PPP3CA: variants seen among roughly 807,000 people sequenced by gnomAD.
PPP3CA encodes protein phosphatase 3 catalytic subunit alpha.
Under a neutral mutation model 66.5 loss-of-function variants are expected in PPP3CA, and 14 were observed. The ratio of observed to expected loss-of-function variants is 0.21; its 90% CI spans 0.14 to 0.33. The LOEUF (loss-of-function observed/expected upper bound fraction) is 0.33. PPP3CA is among the 10% of genes least tolerant of loss of function. The pLI, the probability that PPP3CA is intolerant of heterozygous loss-of-function variation, is 1.00. For synonymous variants in PPP3CA, 232 were observed against 226.2 expected, an observed-to-expected ratio of 1.03 and a Z score of -0.23; for missense variants, 317 against 639.5, an observed-to-expected ratio of 0.50 and a Z score of 5.44.
chr4:101,241,670 T>C (rs1480808129), intron 1 of PPP3CA, among the ~76,000 whole-genome samples: 1 of 152,142 alleles, frequency 6.6e-6, no homozygotes, highest in South Asian at 2.1e-4. Context: ...TAGAATGTAT[T>C]ATTAGAATCT....
At chr4:101,099,512 G>C (rs1730348605) in intron 4 of PPP3CA, 99 bp downstream of exon 4, 5 of 576,220 alleles carry the variant, frequency 8.7e-6, no homozygotes, top group Non-Finnish European at 1.4e-5. Context: ...TTAAGTCTTT[G>C]ACTTTAGGCA....
rs1730034410 is a variant in PPP3CA at position 101,347,073 on chromosome 4, T to C, written c.-277A>G. The C allele has an allele frequency of 1.8e-6, 1 of 554,318 alleles. No homozygotes were observed. The allele number at this position is 554,318 out of a possible 1,614,324, so 34.3% of individuals were successfully genotyped here. On this transcript the variant is annotated 5_prime_UTR_variant, in exon 1 of 14. Coordinates refer to ENST00000394854, the MANE Select transcript of PPP3CA (RefSeq NM_000944.5). The stretch of plus-strand genomic sequence containing the variant: ...GTGTGTGGTGGTTATTTATTTATTT[T>C]CTGAGCACGCCTCCCGGTTCTTCTT...
At chr4:101,216,562 A>T (rs1725463187) in intron 1 of PPP3CA, among the ~76,000 whole-genome samples, 1 of 151,988 alleles carries the variant, frequency 6.6e-6, no homozygotes, top group Non-Finnish European at 1.5e-5. Context: ...TTCTTAAGAC[A>T]GGGTGTCGCT....
chr4:101,157,689 T>A (rs1404634521), intron 2 of PPP3CA, among the ~76,000 whole-genome samples: 2 of 152,190 alleles, frequency 1.3e-5, no homozygotes, highest in African/African-American at 4.8e-5. Context: ...ATTTTGATGT[T>A]CTTTGAAACC....
At chr4:101,062,233 T>C (rs762431757) in intron 9 of PPP3CA, among the ~76,000 whole-genome samples, 5 of 152,014 alleles carry the variant, frequency 3.3e-5, no homozygotes, top group Non-Finnish European at 5.9e-5. Context: ...TGCAAGAAAG[T>C]TGCAATATGG....
In PPP3CA at chr4:101,029,353, AAAAAAAAAAAAAAAAAAAAG is replaced by A. The variant is rs202128482; in HGVS notation, c.1340-178_1340-159del. 0.16 allele frequency among the ~76,000 whole-genome samples: 24,012 copies of A among 146,676 alleles called. 2,151 individuals carry two copies. The highest frequency in any genetic ancestry group is 0.24 in the South Asian group (1,118 of 4,752). On this transcript the variant is annotated intron_variant, in intron 12 of 13. Transcript: ENST00000394854. ...GACAACAAAACAGAAATGCTAAAAA[AAAAAAAAAAAAAAAAAAAAG>A]AAAAAAAATGCCACAGAAATTATAA...
intron 1 of PPP3CA, among the ~76,000 whole-genome samples, chr4:101,244,651 C>G (rs915859832): frequency 6.6e-6 from 1 of 152,184 alleles, no homozygotes; most frequent in Non-Finnish European, 1.5e-5. Flanking sequence ...CACATGAAAA[C>G]ACAACATACA....
intron 2 of PPP3CA, among the ~76,000 whole-genome samples, chr4:101,182,650 A>G (rs376608317): frequency 6.6e-6 from 1 of 152,160 alleles, no homozygotes; most frequent in Non-Finnish European, 1.5e-5. Context: ...ATGGTAGGAT[A>G]CATAGGTAAC....
intron 1 of PPP3CA, among the ~76,000 whole-genome samples, chr4:101,328,101 T>C (rs935826520): frequency 2.6e-5 from 4 of 152,086 alleles, no homozygotes; most frequent in Non-Finnish European, 4.4e-5. Context: ...CCGTGTGAAA[T>C]TGGAGCTCCC....
chr4:101,304,522 TTATG>T (rs1728476673), intron 1 of PPP3CA, among the ~76,000 whole-genome samples: 1 of 152,200 alleles, frequency 6.6e-6, no homozygotes, highest in African/African-American at 2.4e-5. Context: ...GAAAAAGGTT[TTATG>T]TATGTTTTTA....
chr4:101,189,912 G>T (rs1231505732), intron 2 of PPP3CA, among the ~76,000 whole-genome samples: 3 of 151,980 alleles, frequency 2.0e-5, no homozygotes, highest in South Asian at 4.1e-4. Context: ...TGGTATTTCA[G>T]ACTGTTCATT....
At chr4:101,156,103 A>G (rs749417958) in intron 2 of PPP3CA, among the ~76,000 whole-genome samples, 26 of 152,204 alleles carry the variant, frequency 1.7e-4, no homozygotes, top group Admixed American at 8.5e-4. Flanking sequence ...CTATGATTCA[A>G]TTATGCTTTT....
intron 1 of PPP3CA, among the ~76,000 whole-genome samples, chr4:101,311,399 T>TA (rs2110310721): frequency 6.6e-6 from 1 of 152,332 alleles, no homozygotes; most frequent in African/African-American, 2.4e-5. Context: ...CTGAATAAGT[T>TA]ACCTGAAGTC....
At chr4:101,331,774 T>C (rs181556984) in intron 1 of PPP3CA, among the ~76,000 whole-genome samples, 42 of 152,280 alleles carry the variant, frequency 2.8e-4, no homozygotes, top group African/African-American at 9.9e-4. Context: ...CCCAAAAATT[T>C]ATATTCAAAT....
chr4:101,123,977 G>A (rs574775435), intron 2 of PPP3CA, among the ~76,000 whole-genome samples: 4 of 152,258 alleles, frequency 2.6e-5, no homozygotes, highest in South Asian at 2.1e-4. Context: ...TTAATACTTC[G>A]GCAGAAGGTA....
chr4:101,031,737 TGTG>T (rs1338618861), intron 12 of PPP3CA, among the ~76,000 whole-genome samples: 2 of 152,190 alleles, frequency 1.3e-5, no homozygotes, highest in East Asian at 1.9e-4. Context: ...AAAAATAAAA[TGTG>T]GTTCTATTCA....
intron 1 of PPP3CA, among the ~76,000 whole-genome samples, chr4:101,309,546 C>T (rs538390714): frequency 1.3e-4 from 20 of 152,106 alleles, no homozygotes; most frequent in Non-Finnish European, 2.8e-4. Flanking sequence ...TGTTCTAGGA[C>T]TCAGGGAAAA....
At chr4:101,346,658 G>T in intron 1 of PPP3CA, 81 bp downstream of exon 1, 2 of 1,193,640 alleles carry the variant, frequency 1.7e-6, no homozygotes, top group Non-Finnish European at 2.4e-6. Context: ...GGCGGGGGAG[G>T]GGAGGAAAGG....
chr4:101,347,105 T>G lies in PPP3CA; in HGVS notation c.-309A>C, dbSNP rs1463522941. 8.2e-6 allele frequency: 4 copies of G among 487,806 alleles called. No homozygotes were observed. The highest frequency in any genetic ancestry group is 1.5e-5 in the Non-Finnish European group (4 of 271,812). 30.2% of individuals were successfully genotyped at this position (487,806 alleles called of 1,614,324 possible). On this transcript the variant is annotated 5_prime_UTR_variant, in exon 1 of 14. Coordinates refer to ENST00000394854, the MANE Select transcript of PPP3CA (RefSeq NM_000944.5). Reference sequence around the variant, plus strand: ...ACGCCTCCCGGTTCTTCTTTTATTCTTGGGGGAAGGGGGATGGGGAGGAGA... The same window carrying G: ...ACGCCTCCCGGTTCTTCTTTTATTCGTGGGGGAAGGGGGATGGGGAGGAGA...
Sources: allele counts gnomAD v4.1 joint callset (sites outside exome capture counted in the v4.1 genomes callset), GRCh38; gene constraint gnomAD v4.1.1; transcripts MANE v1.5; gene names NCBI Gene and HGNC (gene_info 2026-07-23, HGNC 2026-07-21).